Variants in P2RY8 observed in about 807,000 individuals in gnomAD.
The protein encoded by P2RY8 is S-geranylgeranyl-glutathione receptor P2RY8.
In P2RY8, 6 loss-of-function variants were observed where a neutral mutation model predicts 10.0. The ratio of observed to expected loss-of-function variants is 0.60; its 90% confidence interval spans 0.33 to 1.19. The LOEUF (loss-of-function observed/expected upper bound fraction) is 1.19. Ranked by LOEUF, P2RY8 falls within the 50% of genes most tolerant of loss-of-function variation. The pLI, the probability that P2RY8 is intolerant of heterozygous loss-of-function variation, is 0.04. For synonymous variants in P2RY8, 276 were observed against 252.5 expected, an observed-to-expected ratio of 1.09 and a Z score of -0.88; for missense variants, 456 against 542.0, an observed-to-expected ratio of 0.84 and a Z score of 1.58.
chrX:1,521,206 G>A (rs1326928256), intron 1 of P2RY8, among the ~76,000 whole-genome samples: 1 of 151,414 alleles, frequency 6.6e-6, no homozygotes, highest in African/African-American at 2.4e-5. Context: ...GCTCCACCAC[G>A]TCCAGCTAAT....
At chrX:1,488,390 T>A (rs2092007119) in intron 1 of P2RY8, among the ~76,000 whole-genome samples, 1 of 152,172 alleles carries the variant, frequency 6.6e-6, no homozygotes, top group East Asian at 1.9e-4. Context: ...GGTACAGTGG[T>A]CTACCTGGCC....
intron 1 of P2RY8, among the ~76,000 whole-genome samples, chrX:1,514,866 C>CTTT: frequency 1.3e-4 from 1 of 7,960 alleles, no homozygotes; most frequent in Non-Finnish European, 3.1e-4. Context: ...CCTCCCCCTC[C>CTTT]CCTTCCCCTG....
rs1279842843 is a variant in P2RY8 at position 1,465,590 on chromosome X, C to G, written c.969G>C (p.Glu323Asp). ...ACGTGGTCCTGGCGGAGAAGAGGCT[C>G]TCGCGGCGCGTGTCCAGGGTGTCTC... ...VPRDTLDTRR[E>D]SLFSARTTSV... The change falls in exon 2 of 2, where the codon GAG becomes GAC. Residue 323 changes from glutamate to aspartate, a missense_variant. Transcript: ENST00000381297. The G allele has an allele frequency of 1.2e-6, 2 of 1,613,032 alleles. No homozygotes were observed. Among genetic ancestry groups the G allele is most frequent in the Non-Finnish European group, 1.7e-6 (2 of 1,179,806 alleles).
chrX:1,510,438 G>T (rs2092290636), intron 1 of P2RY8, among the ~76,000 whole-genome samples: 1 of 152,110 alleles, frequency 6.6e-6, no homozygotes, highest in Non-Finnish European at 1.5e-5. Flanking sequence ...CTCACTCACG[G>T]ATCCCCTGCT....
chrX:1,493,161 G>A (rs62602992), intron 1 of P2RY8, among the ~76,000 whole-genome samples: 69,247 of 148,800 alleles, frequency 0.47, 16,292 homozygotes, highest in East Asian at 0.53. Context: ...TGGGGTGGGC[G>A]CCTGTAATCC....
At chrX:1,483,559 G>A (rs1178788108) in intron 1 of P2RY8, among the ~76,000 whole-genome samples, 3 of 152,172 alleles carry the variant, frequency 2.0e-5, no homozygotes, top group East Asian at 3.9e-4. Context: ...GCTTGAACCC[G>A]GGAGGCAGAG....
At chrX:1,488,172 G>A (rs1219418056) in intron 1 of P2RY8, among the ~76,000 whole-genome samples, 2 of 151,770 alleles carry the variant, frequency 1.3e-5, no homozygotes, top group Non-Finnish European at 2.9e-5. Context: ...ATCACTAACA[G>A]CTGAGCCCCC....
At chrX:1,473,683 GATGAGTAGGTGGATGT>G (rs2091830865) in intron 1 of P2RY8, among the ~76,000 whole-genome samples, 1 of 116,260 alleles carries the variant, frequency 8.6e-6, no homozygotes, top group African/African-American at 2.7e-5. Flanking sequence ...TGGATGTATA[GATGAGTAGGTGGATGT>G]ATGGGTGGAT....
At chrX:1,524,449 CT>C (rs2092417230) in intron 1 of P2RY8, among the ~76,000 whole-genome samples, 3 of 78,358 alleles carry the variant, frequency 3.8e-5, no homozygotes, top group Non-Finnish European at 5.8e-5. Flanking sequence ...ATTCATCCAT[CT>C]ATCCATCCAT....
chrX:1,508,397 A>G (rs1184392679), intron 1 of P2RY8, among the ~76,000 whole-genome samples: 1 of 152,090 alleles, frequency 6.6e-6, no homozygotes, highest in Non-Finnish European at 1.5e-5. Flanking sequence ...TCAACACACT[A>G]CACTGCACGG....
chrX:1,488,109 T>TAAAA (rs1299833147), intron 1 of P2RY8, among the ~76,000 whole-genome samples: 2 of 131,250 alleles, frequency 1.5e-5, no homozygotes, highest in Admixed American at 1.6e-4. Context: ...AAACTCTGTC[T>TAAAA]AAAAAAAAAA....
rs1163898413 is a variant in P2RY8 at position 1,463,098 on chromosome X, AT to A, written c.*2380del. 4.3e-6 allele frequency: 1 copy of A among 232,878 alleles called. No homozygotes were observed. The highest frequency in any genetic ancestry group is 6.0e-5 in the East Asian group (1 of 16,588). The allele number at this position is 232,878 out of a possible 1,614,324, so 14.4% of individuals were successfully genotyped here. On this transcript the variant is annotated 3_prime_UTR_variant, in exon 2 of 2. Coordinates refer to ENST00000381297, the MANE Select transcript of P2RY8 (RefSeq NM_178129.5). ...TCGGCTTCCTCTGACTCAAGCTCTC[AT>A]TTTTGTTTACAAGGCAGTTTAGGGA...
At chrX:1,491,105 A>G (rs2092043421) in intron 1 of P2RY8, among the ~76,000 whole-genome samples, 1 of 151,752 alleles carries the variant, frequency 6.6e-6, no homozygotes, top group African/African-American at 2.4e-5. Flanking sequence ...GGGGGAATGA[A>G]TGAATGACAT....
intron 1 of P2RY8, among the ~76,000 whole-genome samples, chrX:1,515,882 A>T (rs1265256980): frequency 1.1e-4 from 16 of 143,356 alleles, no homozygotes; most frequent in African/African-American, 3.5e-4. Flanking sequence ...CCTTATAAGA[A>T]CAGGAAGAGG....
At chrX:1,498,086 C>T (rs1464891617) in intron 1 of P2RY8, among the ~76,000 whole-genome samples, 3 of 152,072 alleles carry the variant, frequency 2.0e-5, no homozygotes, top group African/African-American at 7.2e-5. Context: ...TGCTCCTGAA[C>T]TTTAAACAGC....
intron 1 of P2RY8, among the ~76,000 whole-genome samples, chrX:1,469,751 T>A (rs1434808454): frequency 7.9e-5 from 12 of 151,516 alleles, no homozygotes; most frequent in African/African-American, 2.2e-4. Flanking sequence ...AACAAAAAAA[T>A]TAGCCGGGCG....
At chrX:1,508,747 TA>T (rs2063402258) in intron 1 of P2RY8, among the ~76,000 whole-genome samples, 2 of 149,286 alleles carry the variant, frequency 1.3e-5, no homozygotes, top group Non-Finnish European at 3.0e-5. Context: ...TCTATCTATC[TA>T]TCTATTTCTA....
rs182752330 is a variant in P2RY8 at position 1,464,520 on chromosome X, G to A, written c.*959C>T. ...GAGGCTCTCCATGGGGTAAAAGGACGCGGAGAATGGGCAGGAGGTGGGGAA... is the reference window on the plus strand; with the variant it reads ...GAGGCTCTCCATGGGGTAAAAGGACACGGAGAATGGGCAGGAGGTGGGGAA... On this transcript the variant is annotated 3_prime_UTR_variant, in exon 2 of 2. Coordinates refer to ENST00000381297, the MANE Select transcript of P2RY8 (RefSeq NM_178129.5). The A allele has an allele frequency of 2.4e-3, 551 of 233,468 alleles. 3 individuals carry two copies. Among genetic ancestry groups the A allele is most frequent in the African/African-American group, 0.01 (470 of 45,468 alleles). The allele number at this position is 233,468 out of a possible 1,614,324, so 14.5% of individuals were successfully genotyped here.
chrX:1,477,298 T>TCAATCATCTATCAATCATA (rs1556675970), intron 1 of P2RY8, among the ~76,000 whole-genome samples: 1 of 151,844 alleles, frequency 6.6e-6, no homozygotes, highest in African/African-American at 2.4e-5. Flanking sequence ...TCTATCTATA[T>TCAATCATCTATCAATCATA]CAATCGTCTT....
Sources: allele counts gnomAD v4.1 joint callset (sites outside exome capture counted in the v4.1 genomes callset), GRCh38; gene constraint gnomAD v4.1.1; transcripts MANE v1.5; gene names NCBI Gene and HGNC (gene_info 2026-07-23, HGNC 2026-07-21).